The following PRKCA variants were observed in gnomAD, a reference collection of about 807,000 sequenced individuals.
PRKCA encodes the protein protein kinase C alpha, also known as protein kinase C alpha type.
A neutral mutation model predicts 87.0 loss-of-function variants in PRKCA; 27 were observed. The ratio of observed to expected loss-of-function variants is 0.31; its 90% CI spans 0.23 to 0.43. The LOEUF is 0.43. PRKCA is among the 20% of genes least tolerant of loss of function. PRKCA has a pLI of 1.00. For synonymous variants in PRKCA, 329 were observed against 311.1 expected, an observed-to-expected ratio of 1.06 and a Z score of -0.61; for missense variants, 518 against 852.3, an observed-to-expected ratio of 0.61 and a Z score of 4.88.
intron 13 of PRKCA, among the ~76,000 whole-genome samples, chr17:66,770,993 C>A (rs1178385266): frequency 6.7e-6 from 1 of 148,802 alleles, no homozygotes; most frequent in Non-Finnish European, 1.5e-5. Flanking sequence ...TTTTGAGTAA[C>A]CTGGCAATGT....
intron 8 of PRKCA, among the ~76,000 whole-genome samples, chr17:66,715,793 A>G (rs1261883077): frequency 6.6e-6 from 1 of 151,920 alleles, no homozygotes; most frequent in Non-Finnish European, 1.5e-5. Context: ...ATCTTGCCCC[A>G]TTTACTGGGA....
chr17:66,677,127 T>C (rs1438624490), intron 5 of PRKCA: 3 of 116,686 alleles, frequency 2.6e-5, no homozygotes, highest in Admixed American at 8.5e-5. Flanking sequence ...TCGCCCAGGC[T>C]GGAGCACAAT....
At position 66,689,190 on chromosome 17, in the gene PRKCA, GAATGTTGTTCGTT is replaced by G; in HGVS notation, c.918+144_918+156del. 1.7e-6 allele frequency: 1 copy of G among 574,342 alleles called. No individual in the cohort carries two copies. Among genetic ancestry groups the G allele is most frequent in the East Asian group, 3.2e-5 (1 of 31,094 alleles). The allele number at this position is 574,342 out of a possible 1,614,324, so 35.6% of individuals were successfully genotyped here. ...GATCTTTTTCTTTATTTAAAAACAT[GAATGTTGTTCGTT>G]CCCTTTCCTTTGCAAGCTGTTGACT... On this transcript the variant is annotated intron_variant, in intron 8 of 16. Transcript: ENST00000413366. This position sits in a 1 kb window ranked among gnomAD's most constrained non-coding sequence, Gnocchi z 4.1.
In PRKCA at chr17:66,326,824, T is replaced by G. The variant is rs549531266; in HGVS notation, c.205+20697T>G. ...CCTCTTATTCATCAGTATTTGAAAATTCTTGATAATCTAAAGTTTGATCCA... is the reference window on the plus strand; with the variant it reads ...CCTCTTATTCATCAGTATTTGAAAAGTCTTGATAATCTAAAGTTTGATCCA... On this transcript the variant is annotated intron_variant, in intron 2 of 16. Coordinates refer to ENST00000413366, the MANE Select transcript of PRKCA (RefSeq NM_002737.3). Among the ~76,000 whole-genome samples, 10 of 152,326 alleles carry G rather than the reference T, an allele frequency of 6.6e-5. No individual in the cohort carries two copies. The East Asian group carries it at 1.9e-3, about 29-fold the overall frequency.
chr17:66,587,889 G>GTATATA lies in PRKCA; in HGVS notation c.289-53465_289-53464insATATAT, dbSNP rs1231113103. Among the ~76,000 whole-genome samples, 32 of 94,244 alleles carry GTATATA rather than the reference G, an allele frequency of 3.4e-4. 4 individuals carry two copies. Among genetic ancestry groups the GTATATA allele is most frequent in the Non-Finnish European group, 5.1e-4 (25 of 49,320 alleles). 61.8% of individuals were successfully genotyped at this position (94,244 alleles called of 152,430 possible). A position where few individuals can be genotyped will look rare whatever the true frequency, so the allele number is the denominator to read the frequency against. On this transcript the variant is annotated intron_variant, in intron 3 of 16. Coordinates refer to ENST00000413366, the MANE Select transcript of PRKCA (RefSeq NM_002737.3). ...TATGTATGTGTGTGTGTGTGTGTGTGTGTGTGTATATATATATATATATAT... is the reference window on the plus strand; with the variant it reads ...TATGTATGTGTGTGTGTGTGTGTGTGTATATATGTGTGTATATATATATATATATAT...
chr17:66,540,557 G>C (rs962668317), intron 3 of PRKCA, among the ~76,000 whole-genome samples: 2 of 152,184 alleles, frequency 1.3e-5, no homozygotes, highest in East Asian at 1.9e-4. Flanking sequence ...AGCAGCACTC[G>C]GAGTGGAGTG....
chr17:66,465,082 A>C (rs1174314774), intron 2 of PRKCA, among the ~76,000 whole-genome samples: 2 of 152,192 alleles, frequency 1.3e-5, no homozygotes, highest in African/African-American at 4.8e-5. Context: ...TTTACCAGTG[A>C]CATAAGCAAT....
intron 2 of PRKCA, among the ~76,000 whole-genome samples, chr17:66,408,314 A>C (rs899505296): frequency 6.6e-6 from 1 of 152,246 alleles, no homozygotes; most frequent in African/African-American, 2.4e-5. Flanking sequence ...ACTATATTTC[A>C]TTGACTGTTA....
intron 13 of PRKCA, among the ~76,000 whole-genome samples, chr17:66,757,555 T>G (rs1974576336): frequency 7.2e-6 from 1 of 139,772 alleles, no homozygotes; most frequent in Non-Finnish European, 1.5e-5. Context: ...GAGTGAAATA[T>G]TTAAAGCTTT....
At chr17:66,589,003 G>T (rs1383352193) in intron 3 of PRKCA, among the ~76,000 whole-genome samples, 3 of 152,012 alleles carry the variant, frequency 2.0e-5, no homozygotes, top group Non-Finnish European at 4.4e-5. Flanking sequence ...GTTCTCCAGG[G>T]TCACTTGTTT....
At position 66,519,736 on chromosome 17, in the gene PRKCA, G is replaced by A. The variant is rs114192228; in HGVS notation, c.288+23453G>A. On this transcript the variant is annotated intron_variant, in intron 3 of 16. Transcript: ENST00000413366. ...AGACCTCAGCATCAGTATCACCTGG[G>A]AGCTCATTAGCAGATATTCACACAC... is the stretch of plus-strand genomic sequence containing the variant. Among the ~76,000 whole-genome samples, 349 of 152,262 alleles carry A rather than the reference G, an allele frequency of 2.3e-3. 1 individual carries two copies. The highest frequency in any genetic ancestry group is 8.1e-3 in the African/African-American group (335 of 41,548).
chr17:66,630,565 G>A (rs1373737876), intron 3 of PRKCA, among the ~76,000 whole-genome samples: 2 of 152,190 alleles, frequency 1.3e-5, no homozygotes, highest in Non-Finnish European at 2.9e-5. Flanking sequence ...CATGAGAATG[G>A]CATGTCCCAA....
chr17:66,473,785 T>G (rs113790317), intron 2 of PRKCA, among the ~76,000 whole-genome samples: 6,617 of 151,892 alleles, frequency 0.044, 218 homozygotes, highest in Admixed American at 0.11. Context: ...AAATACAAAA[T>G]CAGCTGGGCA....
intron 3 of PRKCA, among the ~76,000 whole-genome samples, chr17:66,593,352 C>T (rs1969873225): frequency 6.6e-6 from 1 of 152,140 alleles, no homozygotes; most frequent in African/African-American, 2.4e-5. Flanking sequence ...TTGGTGGAAG[C>T]TGGATTGCTA....
chr17:66,404,023 G>GAGCA (rs1911199069), intron 2 of PRKCA: 1 of 152,198 alleles, frequency 6.6e-6, no homozygotes, highest in Admixed American at 6.5e-5. Context: ...CGTTTTTCCT[G>GAGCA]AGCTACATAC....
At chr17:66,345,917 T>G (rs1907329848) in intron 2 of PRKCA, among the ~76,000 whole-genome samples, 1 of 152,138 alleles carries the variant, frequency 6.6e-6, no homozygotes, top group Non-Finnish European at 1.5e-5. Flanking sequence ...AATAGATGGC[T>G]AATTAATTTC....
At chr17:66,486,355 C>T (rs944061019) in intron 2 of PRKCA, among the ~76,000 whole-genome samples, 1 of 152,148 alleles carries the variant, frequency 6.6e-6, no homozygotes, top group Non-Finnish European at 1.5e-5. Flanking sequence ...AAGAAGGAGA[C>T]TGTTTATCTG....
At chr17:66,607,091 T>A (rs1042308902) in intron 3 of PRKCA, among the ~76,000 whole-genome samples, 1 of 152,228 alleles carries the variant, frequency 6.6e-6, no homozygotes, top group African/African-American at 2.4e-5. Flanking sequence ...GACCTTATAT[T>A]TCTAAGAGTT....
At chr17:66,423,354 G>C (rs1476661621) in intron 2 of PRKCA, among the ~76,000 whole-genome samples, 3 of 152,138 alleles carry the variant, frequency 2.0e-5, no homozygotes, top group Non-Finnish European at 2.9e-5. Flanking sequence ...ACATGTTTAT[G>C]ATCCCATATT....
Sources: allele counts gnomAD v4.1 joint callset (sites outside exome capture counted in the v4.1 genomes callset), GRCh38; gene constraint gnomAD v4.1.1; non-coding constraint Gnocchi (gnomAD v3.1); transcripts MANE v1.5; gene names NCBI Gene and HGNC (gene_info 2026-07-23, HGNC 2026-07-21).